KCNMA1: variants seen among roughly 807,000 people sequenced by gnomAD.
KCNMA1 encodes potassium calcium-activated channel subfamily M alpha 1.
In KCNMA1, 29 loss-of-function variants were observed where a neutral mutation model predicts 140.0. The observed-to-expected ratio is 0.21, with a 90% CI of 0.15 to 0.28. KCNMA1 has a LOEUF of 0.28. Among genes scored for constraint, KCNMA1 ranks in the 10% least tolerant of loss-of-function variants. KCNMA1 has a pLI of 1.00. For synonymous variants in KCNMA1, 612 were observed against 611.9 expected, an observed-to-expected ratio of 1.00 and a Z score of 0.00; for missense variants, 880 against 1,602.2, an observed-to-expected ratio of 0.55 and a Z score of 7.70.
At position 77,037,406 on chromosome 10, in the gene KCNMA1, G is replaced by A. The variant is rs568556444; in HGVS notation, c.1859+2122C>T. 2.6e-5 allele frequency among the ~76,000 whole-genome samples: 4 copies of A among 152,222 alleles called. No individual in the cohort carries two copies. In the South Asian group the frequency reaches 8.3e-4, roughly 32 times the overall value. Reference sequence around the variant, plus strand: ...AAGAATCCAGAAATCTAGTTTTTACGTGACATACTACTATTTGGAAATATC... The same window carrying A: ...AAGAATCCAGAAATCTAGTTTTTACATGACATACTACTATTTGGAAATATC... On this transcript the variant is annotated intron_variant, in intron 15 of 27. Coordinates refer to ENST00000286628, the MANE Select transcript of KCNMA1 (RefSeq NM_001161352.2).
intron 3 of KCNMA1, among the ~76,000 whole-genome samples, chr10:77,212,241 T>C (rs1191495888): frequency 6.6e-6 from 1 of 152,166 alleles, no homozygotes; most frequent in Non-Finnish European, 1.5e-5. Flanking sequence ...ATGTGGTACA[T>C]ACACATCATG....
chr10:77,547,971 G>A (rs1026862447), intron 1 of KCNMA1, among the ~76,000 whole-genome samples: 3 of 151,694 alleles, frequency 2.0e-5, no homozygotes, highest in Non-Finnish European at 4.4e-5. Context: ...GCCCAGAAAA[G>A]CCTAAAATCT....
At chr10:77,130,405 G>A (rs1328414179) in intron 5 of KCNMA1, among the ~76,000 whole-genome samples, 1 of 152,142 alleles carries the variant, frequency 6.6e-6, no homozygotes, top group African/African-American at 2.4e-5. Flanking sequence ...TTTGGTAGGT[G>A]AGGGGTATTA....
intron 1 of KCNMA1, among the ~76,000 whole-genome samples, chr10:77,523,995 A>G (rs1263755750): frequency 6.6e-6 from 1 of 152,172 alleles, no homozygotes; most frequent in African/African-American, 2.4e-5. Flanking sequence ...GGAGATGAAT[A>G]TTCACTCTCC....
intron 29 of KCNMA1, among the ~76,000 whole-genome samples, chr10:76,878,743 GA>G (rs2033241050): frequency 6.6e-6 from 1 of 152,108 alleles, no homozygotes; most frequent in East Asian, 1.9e-4. Flanking sequence ...GGGCTGGGGT[GA>G]GAATGAAAAT....
chr10:77,254,905 T>C lies in KCNMA1; in HGVS notation c.541-3649A>G, dbSNP rs117798041. 7.0e-3 allele frequency among the ~76,000 whole-genome samples: 1,068 copies of C among 152,240 alleles called. 5 individuals are homozygous for C. The highest frequency in any genetic ancestry group is 0.011 in the Non-Finnish European group (770 of 68,016). On this transcript the variant is annotated intron_variant, in intron 2 of 27. Coordinates refer to ENST00000286628, the MANE Select transcript of KCNMA1 (RefSeq NM_001161352.2). Reference sequence around the variant, plus strand: ...TCCCTGCCCTACAGCAGCTGAGTCATAGAATAAGACAATAACCAAGCATGT... The same window carrying C: ...TCCCTGCCCTACAGCAGCTGAGTCACAGAATAAGACAATAACCAAGCATGT...
At chr10:77,035,526 T>A (rs1340570225) in intron 15 of KCNMA1, among the ~76,000 whole-genome samples, 1 of 152,208 alleles carries the variant, frequency 6.6e-6, no homozygotes, top group Non-Finnish European at 1.5e-5. Context: ...TGTTGGCATT[T>A]GTAAGTATTG....
At chr10:77,637,133 GA>G in intron 1 of KCNMA1, 131 bp downstream of exon 1, 2 of 1,259,882 alleles carry the variant, frequency 1.6e-6, no homozygotes, top group Non-Finnish European at 2.1e-6. Context: ...CGAGGGAAGG[GA>G]AGGCGGCGAG....
intron 2 of KCNMA1, among the ~76,000 whole-genome samples, chr10:77,336,071 T>C (rs2088834239): frequency 6.6e-6 from 1 of 151,866 alleles, no homozygotes. Flanking sequence ...GGGAAAAAAA[T>C]AGTAATGGAC....
intron 1 of KCNMA1, among the ~76,000 whole-genome samples, chr10:77,428,419 G>GA (rs2097074665): frequency 6.6e-6 from 1 of 152,206 alleles, no homozygotes; most frequent in Non-Finnish European, 1.5e-5. Flanking sequence ...AGAGCAAGCA[G>GA]AAAATGGATT....
intron 3 of KCNMA1, among the ~76,000 whole-genome samples, chr10:77,224,588 C>T (rs2154194093): frequency 6.6e-6 from 1 of 152,278 alleles, no homozygotes. Flanking sequence ...GGACCCCACT[C>T]AGGCACCAGC....
chr10:77,341,275 G>A (rs761855958), intron 2 of KCNMA1, among the ~76,000 whole-genome samples: 11 of 152,326 alleles, frequency 7.2e-5, no homozygotes, highest in African/African-American at 1.7e-4. Context: ...TTCTCAATAC[G>A]TGTTAGCTGT....
rs868856686 is a variant in KCNMA1 at position 77,566,110 on chromosome 10, C to A, written c.378+71155G>T. ...ATAGGCAAGGAAAGATGGAAATATT[C>A]TTTAAGTGGAATAGCAAAAATAGGC... is the stretch of plus-strand genomic sequence containing the variant. On this transcript the variant is annotated intron_variant, in intron 1 of 27. Transcript: ENST00000286628. Among the ~76,000 whole-genome samples the A allele has an allele frequency of 2.6e-5, 4 of 152,330 alleles. No homozygotes were observed. The South Asian group carries it at 8.3e-4, about 32-fold the overall frequency.
At position 77,613,036 on chromosome 10, in the gene KCNMA1, A is replaced by G. The variant is rs148096782; in HGVS notation, c.378+24229T>C. The stretch of plus-strand genomic sequence containing the variant: ...ACACAATAAGTCTGTAAGTTCCTGG[A>G]TGTCTGAGCTTGTCTTCTACCTCTT... On this transcript the variant is annotated intron_variant, in intron 1 of 27. Coordinates refer to ENST00000286628, the MANE Select transcript of KCNMA1 (RefSeq NM_001161352.2). 7.2e-4 allele frequency among the ~76,000 whole-genome samples: 109 copies of G among 152,226 alleles called. No individual in the cohort carries two copies. In the Middle Eastern group the frequency reaches 0.014, roughly 19 times the overall value.
intron 1 of KCNMA1, among the ~76,000 whole-genome samples, chr10:77,431,348 T>C (rs980187961): frequency 8.5e-5 from 13 of 152,206 alleles, no homozygotes; most frequent in African/African-American, 3.1e-4. Flanking sequence ...CAATTTTGCA[T>C]GGGGATTGAA....
chr10:76,970,104 T>C, intron 19 of KCNMA1, 37 bp from the exon 20 acceptor site: 1 of 1,528,410 alleles, frequency 6.5e-7, no homozygotes, highest in Non-Finnish European at 9.1e-7. Context: ...TATGAACAGT[T>C]TGAGGGCAGA....
chr10:76,964,784 A>G (rs2073223809), intron 20 of KCNMA1, among the ~76,000 whole-genome samples: 1 of 152,226 alleles, frequency 6.6e-6, no homozygotes, highest in Non-Finnish European at 1.5e-5. Context: ...TAACAAGTAG[A>G]TGAGTTTATT....
chr10:77,440,637 T>A (rs1287893283), intron 1 of KCNMA1, among the ~76,000 whole-genome samples: 1 of 152,086 alleles, frequency 6.6e-6, no homozygotes, highest in Non-Finnish European at 1.5e-5. Context: ...ATGAAAGTGT[T>A]CAGACAAAAT....
At chr10:77,080,243 A>G (rs1159005328) in intron 12 of KCNMA1, among the ~76,000 whole-genome samples, 1 of 152,166 alleles carries the variant, frequency 6.6e-6, no homozygotes, top group Non-Finnish European at 1.5e-5. Flanking sequence ...CTGCCCCTTA[A>G]TCTGCATGCA....
Sources: gnomAD v4.1 joint callset for allele counts (sites outside exome capture counted in the v4.1 genomes callset) on GRCh38, gnomAD v4.1.1 for gene constraint, MANE v1.5 for transcripts, NCBI Gene and HGNC (gene_info 2026-07-23, HGNC 2026-07-21) for gene names.